Variants in C17orf58 observed in about 807,000 individuals in gnomAD.
C17orf58 encodes chromosome 17 open reading frame 58, also known as UPF0450 protein C17orf58.
C17orf58 carries 5 observed loss-of-function variants against 7.4 expected under a neutral mutation model. The ratio of observed to expected loss-of-function variants is 0.67; its 90% CI spans 0.35 to 1.42. The LOEUF (loss-of-function observed/expected upper bound fraction) is 1.42. Ranked by LOEUF, C17orf58 falls within the 40% of genes most tolerant of loss-of-function variation. C17orf58 has a pLI of 0.04. For missense variants in C17orf58, 162 were observed against 174.2 expected, an observed-to-expected ratio of 0.93 and a Z score of 0.40; for synonymous variants, 60 against 70.6, an observed-to-expected ratio of 0.85 and a Z score of 0.75.
intron 3 of C17orf58, among the ~76,000 whole-genome samples, chr17:67,992,664 CAT>C (rs2070845906): frequency 6.6e-6 from 1 of 150,378 alleles, no homozygotes; most frequent in Non-Finnish European, 1.5e-5. Context: ...TCCCAGAGCA[CAT>C]GTCTAGAAAG....
rs200926155 is a variant in C17orf58 at position 67,994,569 on chromosome 17, TAC to T, written c.77-587_77-586del. Among the ~76,000 whole-genome samples, 7 of 140,658 alleles carry T rather than the reference TAC, an allele frequency of 5.0e-5. No individual in the cohort carries two copies. The East Asian group carries it at 1.4e-3, about 28-fold the overall frequency. 92.3% of individuals were successfully genotyped at this position (140,658 alleles called of 152,430 possible). A position where few individuals can be genotyped will look rare whatever the true frequency, so the allele number is the denominator to read the frequency against. ...TATAAACATCCGCCTCTTTGCTATTTACAGTTTGTTGAGAAAGTACCAAGAGC... is the reference window on the plus strand; with the variant it reads ...TATAAACATCCGCCTCTTTGCTATTTAGTTTGTTGAGAAAGTACCAAGAGC... On this transcript the variant is annotated intron_variant, in intron 1 of 3. Transcript: ENST00000580729.
chr17:67,994,059 C>G, intron 1 of C17orf58, 75 bp from the exon 2 acceptor site: 1 of 370,894 alleles, frequency 2.7e-6, no homozygotes, highest in African/African-American at 2.1e-5. Context: ...TCGGGGAAAG[C>G]CGAGGAAGCC....
rs1466325147 is a variant in C17orf58 at position 67,993,083 on chromosome 17, A to G, written c.790T>C (p.Ser264Pro). Residue 264 changes from serine (S) to proline (P), a missense_variant, in exon 3 of 4, where the codon TCC becomes CCC. Coordinates refer to ENST00000580729, the MANE Select transcript of C17orf58 (RefSeq NM_001382359.1). The surrounding 1 kb of genome is among the most constrained non-coding windows in gnomAD (Gnocchi z 5.1). ...FFRVHMLALDSSSCNKPCPEF... is the reference protein window; with the variant it reads ...FFRVHMLALDPSSCNKPCPEF... Reference sequence around the variant, plus strand: ...GGACACGGCTTATTGCAGCTGGAGGAGTCCAGGGCTAACATGTGGACTCGG... The same window carrying G: ...GGACACGGCTTATTGCAGCTGGAGGGGTCCAGGGCTAACATGTGGACTCGG... 7.4e-6 allele frequency: 12 copies of G among 1,613,996 alleles called. No homozygotes were observed. Among genetic ancestry groups the G allele is most frequent in the Non-Finnish European group, 1.0e-5 (12 of 1,180,030 alleles).
chr17:67,993,545 G>T lies in C17orf58; in HGVS notation c.516C>A (p.Arg172=). 2.9e-6 allele frequency: 1 copy of T among 345,312 alleles called. No individual in the cohort carries two copies. Among genetic ancestry groups the T allele is most frequent in the Admixed American group, 4.8e-5 (1 of 20,698 alleles). 21.4% of individuals were successfully genotyped at this position (345,312 alleles called of 1,614,324 possible). ...GGCTGAGGCCGAAGCTGAGGCTGAA[G>T]CGCGGCGGCGGCGCGGGCGCGGGTC... ...APGPAPAPPP[R]FSLSFGLSPP... Residue 172 remains arginine (R), a synonymous_variant, in exon 2 of 4, where the codon CGC becomes CGA. Coordinates refer to ENST00000580729, the MANE Select transcript of C17orf58 (RefSeq NM_001382359.1). This position sits in a 1 kb window ranked among gnomAD's most constrained non-coding sequence, Gnocchi z 5.1.
At position 67,993,332 on chromosome 17, in the gene C17orf58, G is replaced by C; in HGVS notation, c.637+92C>G. 2 of 736,064 alleles carry C rather than the reference G, an allele frequency of 2.7e-6. No individual in the cohort carries two copies. The highest frequency in any genetic ancestry group is 2.7e-5 in the East Asian group (1 of 36,508). The allele number at this position is 736,064 out of a possible 1,614,324, so 45.6% of individuals were successfully genotyped here. A position where few individuals can be genotyped will look rare whatever the true frequency, so the allele number is the denominator to read the frequency against. On this transcript the variant is annotated intron_variant, in intron 2 of 3. Transcript: ENST00000580729. This position sits in a 1 kb window ranked among gnomAD's most constrained non-coding sequence, Gnocchi z 5.1. Reference sequence around the variant, plus strand: ...TTAGCAACCGCGAAACGGCCCGCACGGGTCAGGCGCCCTGGGATCTCGCGG... The same window carrying C: ...TTAGCAACCGCGAAACGGCCCGCACCGGTCAGGCGCCCTGGGATCTCGCGG...
intron 1 of C17orf58, among the ~76,000 whole-genome samples, chr17:67,995,768 G>A (rs2070886660): frequency 6.6e-6 from 1 of 152,200 alleles, no homozygotes; most frequent in African/African-American, 2.4e-5. Flanking sequence ...GGACCCCGCG[G>A]CGTCCTGCGA....
chr17:67,994,629 T>C (rs1250551406), intron 1 of C17orf58, among the ~76,000 whole-genome samples: 3 of 151,244 alleles, frequency 2.0e-5, no homozygotes, highest in African/African-American at 7.3e-5. Flanking sequence ...ATATTACAGG[T>C]TCTCCTAATT....
chr17:67,996,121 A>ACCAAT lies in C17orf58; in HGVS notation c.76+1_76+2insATTGG, dbSNP rs1163923086. 7.5e-6 allele frequency: 3 copies of ACCAAT among 397,830 alleles called. No homozygotes were observed. The highest frequency in any genetic ancestry group is 1.3e-5 in the Non-Finnish European group (3 of 225,976). The allele number at this position is 397,830 out of a possible 1,614,324, so 24.6% of individuals were successfully genotyped here. A position where few individuals can be genotyped will look rare whatever the true frequency, so the allele number is the denominator to read the frequency against. On this transcript the variant is annotated splice_donor_variant, in intron 1 of 3. Coordinates refer to ENST00000580729, the MANE Select transcript of C17orf58 (RefSeq NM_001382359.1). LOFTEE classifies it high-confidence loss of function. The stretch of plus-strand genomic sequence containing the variant: ...CAGGGCCCCGCACTACACCAATCTT[A>ACCAAT]CTTTTTCTCTCCGCCACCGGTGCTT...
chr17:67,992,857 TG>T, intron 3 of C17orf58, 186 bp downstream of exon 3: 2 of 1,590,476 alleles, frequency 1.3e-6, no homozygotes, highest in Non-Finnish European at 1.7e-6. Flanking sequence ...CCCTTGAGGG[TG>T]GGGGCTGACA....
intron 1 of C17orf58, among the ~76,000 whole-genome samples, chr17:67,994,508 G>GTATATATATATATATA (rs1401650060): frequency 0.014 from 752 of 55,414 alleles, 12 homozygotes; most frequent in East Asian, 0.02. Flanking sequence ...GTGTGTGTGT[G>GTATATATATATATATA]TGTGTGTGTA....
At chr17:67,994,506 G>GTATATATA (rs1486317778) in intron 1 of C17orf58, among the ~76,000 whole-genome samples, 46 of 16,372 alleles carry the variant, frequency 2.8e-3, no homozygotes, top group Non-Finnish European at 8.2e-3. Context: ...GTGTGTGTGT[G>GTATATATA]TGTGTGTGTG....
At chr17:67,994,191 G>T (rs1345631882) in intron 1 of C17orf58, among the ~76,000 whole-genome samples, 9 of 151,720 alleles carry the variant, frequency 5.9e-5, no homozygotes, top group African/African-American at 1.9e-4. Context: ...GGGAGGGGGA[G>T]AGGAGATAGA....
At chr17:67,994,512 G>GCATATATATATATATA (rs782617371) in intron 1 of C17orf58, among the ~76,000 whole-genome samples, 4 of 85,564 alleles carry the variant, frequency 4.7e-5, no homozygotes, top group African/African-American at 1.5e-4. Flanking sequence ...GTGTGTGTGT[G>GCATATATATATATATA]TGTGTATATA....
Position 67,993,672 on chromosome 17 carries a change from C to A in C17orf58, c.389G>T (p.Arg130Leu), listed in dbSNP as rs1290603672. ...CCGGGCGGCGGGGAAGCGCAGGGCC[C>A]GTGAGCGCGCGCGTCGCGGGGCGTC... ...SEDAPRRARS[R>L]ALRFPAARPP... is the part of the protein sequence containing the mutation. The change falls in exon 2 of 4, where the codon CGG becomes CTG. Residue 130 changes from arginine to leucine, a missense_variant. This residue lies in a region of C17orf58 where 93 missense variants were observed against 90.4 expected (regional missense o/e 1.03). Transcript: ENST00000580729. This position sits in a 1 kb window ranked among gnomAD's most constrained non-coding sequence, Gnocchi z 5.1. The A allele has an allele frequency of 6.9e-6, 1 of 144,698 alleles. No individual in the cohort carries two copies. The highest frequency in any genetic ancestry group is 6.9e-5 in the Admixed American group (1 of 14,534). 9.0% of individuals were successfully genotyped at this position (144,698 alleles called of 1,614,324 possible). A position where few individuals can be genotyped will look rare whatever the true frequency, so the allele number is the denominator to read the frequency against.
At chr17:67,994,823 G>T (rs1264977419) in intron 1 of C17orf58, among the ~76,000 whole-genome samples, 1 of 151,954 alleles carries the variant, frequency 6.6e-6, no homozygotes, top group Admixed American at 6.6e-5. Context: ...GAGGCCCCTG[G>T]TTAAGTATAA....
chr17:67,994,140 A>G (rs1555699556), intron 1 of C17orf58, among the ~76,000 whole-genome samples, 156 bp from the exon 2 acceptor site: 1 of 150,470 alleles, frequency 6.6e-6, no homozygotes, highest in African/African-American at 2.5e-5. Context: ...GGAGGGGAGG[A>G]GGCCGCTAGT....
rs782204107 is a variant in C17orf58 at position 67,993,065 on chromosome 17, G to A, written c.808C>T (p.Pro270Ser). ...LALDSSSCNK[P>S]CPEFKPGSRY... ...ATACCAGGTTTAAACTCTGGACACG[G>A]CTTATTGCAGCTGGAGGAGTCCAGG... is the stretch of plus-strand genomic sequence containing the variant. The change falls in exon 3 of 4, where the codon CCG becomes TCG. Residue 270 changes from proline (P) to serine (S), a missense_variant. Transcript: ENST00000580729. This position sits in a 1 kb window ranked among gnomAD's most constrained non-coding sequence, Gnocchi z 5.1. The A allele has an allele frequency of 6.2e-7, 1 of 1,614,182 alleles. No homozygotes were observed. Among genetic ancestry groups the A allele is most frequent in the South Asian group, 1.1e-5 (1 of 91,082 alleles).
Position 67,993,520 on chromosome 17 carries a change from G to T in C17orf58, c.541C>A (p.Pro181Thr), listed in dbSNP as rs1251645688. Residue 181 changes from proline (P) to threonine (T), a missense_variant, in exon 2 of 4, where the codon CCG (proline) becomes ACG (threonine). Physicochemically the swap from Pro to Thr is conservative, Grantham distance 38. Coordinates refer to ENST00000580729, the MANE Select transcript of C17orf58 (RefSeq NM_001382359.1). This position sits in a 1 kb window ranked among gnomAD's most constrained non-coding sequence, Gnocchi z 5.1. ...PRFSLSFGLSPPQRDAEPGAE... is the reference protein window; with the variant it reads ...PRFSLSFGLSTPQRDAEPGAE... ...CCGGGCTCCGCGTCCCTCTGCGGCG[G>T]GCTGAGGCCGAAGCTGAGGCTGAAG... The T allele has an allele frequency of 1.3e-5, 5 of 382,460 alleles. No homozygotes were observed. The highest frequency in any genetic ancestry group is 2.3e-5 in the Non-Finnish European group (5 of 216,330). The allele number at this position is 382,460 out of a possible 1,614,324, so 23.7% of individuals were successfully genotyped here.
rs1401650060 is a variant in C17orf58 at position 67,994,508 on chromosome 17, G to GTATATATA, written c.77-525_77-524insTATATATA. 4.3e-3 allele frequency among the ~76,000 whole-genome samples: 239 copies of GTATATATA among 55,894 alleles called. 2 individuals are homozygous for GTATATATA. The highest frequency in any genetic ancestry group is 5.9e-3 in the South Asian group (8 of 1,350). 36.7% of individuals were successfully genotyped at this position (55,894 alleles called of 152,430 possible). A position where few individuals can be genotyped will look rare whatever the true frequency, so the allele number is the denominator to read the frequency against. On this transcript the variant is annotated intron_variant, in intron 1 of 3. Coordinates refer to ENST00000580729, the MANE Select transcript of C17orf58 (RefSeq NM_001382359.1). ...TGTGCGTGTGCGTGTGTGTGTGTGT[G>GTATATATA]TGTGTGTGTATATATATATATATAT...
Sources: gnomAD v4.1 joint callset for allele counts (sites outside exome capture counted in the v4.1 genomes callset) on GRCh38, gnomAD v4.1.1 for gene constraint, gnomAD v4.1.1 regional missense constraint, Gnocchi (gnomAD v3.1) non-coding constraint, MANE v1.5 for transcripts, NCBI Gene and HGNC (gene_info 2026-07-23, HGNC 2026-07-21) for gene names.